The following DUSP16 variants were observed in gnomAD, a reference collection of about 807,000 sequenced individuals.
The protein encoded by DUSP16 is dual specificity phosphatase 16.
In DUSP16, 21 loss-of-function variants were observed where a neutral mutation model predicts 58.3. That is an observed-to-expected ratio of 0.36 (90% confidence interval 0.26 to 0.52). The LOEUF is 0.52. Ranked by LOEUF, DUSP16 falls within the 20% of genes least tolerant of loss-of-function variation. The pLI is 0.94. For missense variants in DUSP16, 726 were observed against 819.0 expected, an observed-to-expected ratio of 0.89 and a Z score of 1.39; for synonymous variants, 320 against 323.8, an observed-to-expected ratio of 0.99 and a Z score of 0.12.
At chr12:12,487,283 A>T (rs1280572793) in intron 4 of DUSP16, 96 bp from the exon 5 acceptor site, 46 of 1,333,588 alleles carry the variant, frequency 3.4e-5, no homozygotes, top group Non-Finnish European at 4.7e-5. Flanking sequence ...AAAAATGCCC[A>T]GTTTCCTTGA....
In DUSP16 at chr12:12,521,316, G is replaced by T; in HGVS notation, c.-218C>A. 7.1e-7 allele frequency: 1 copy of T among 1,413,866 alleles called. No homozygotes were observed. Among genetic ancestry groups the T allele is most frequent in the Non-Finnish European group, 9.2e-7 (1 of 1,086,386 alleles). The allele number at this position is 1,413,866 out of a possible 1,614,324, so 87.6% of individuals were successfully genotyped here. ...TTGATGTGCTCTTGCAAAGGACTCC[G>T]TCCACAAAGCAGCCCCTCACATTTG... On this transcript the variant is annotated 5_prime_UTR_variant, in exon 2 of 7. Coordinates refer to ENST00000298573, the MANE Select transcript of DUSP16 (RefSeq NM_030640.3).
chr12:12,490,063 G>C (rs1943740508), intron 4 of DUSP16, among the ~76,000 whole-genome samples: 1 of 152,166 alleles, frequency 6.6e-6, no homozygotes, highest in South Asian at 2.1e-4. Flanking sequence ...ACAGGCATGT[G>C]CCACTGCTCC....
intron 1 of DUSP16, among the ~76,000 whole-genome samples, chr12:12,526,537 CAT>C (rs2136237313): frequency 1.3e-5 from 2 of 152,286 alleles, no homozygotes; most frequent in Non-Finnish European, 2.9e-5. Context: ...AAGAGAACAA[CAT>C]AAAGTCTGTA....
intron 5 of DUSP16, among the ~76,000 whole-genome samples, chr12:12,483,433 C>T (rs527994010): frequency 2.4e-4 from 36 of 149,074 alleles, no homozygotes; most frequent in Admixed American, 2.0e-3. Flanking sequence ...CTATTTTAAT[C>T]CTCACAATAT....
chr12:12,499,689 T>G (rs2136211379), intron 4 of DUSP16, among the ~76,000 whole-genome samples: 1 of 152,324 alleles, frequency 6.6e-6, no homozygotes, highest in African/African-American at 2.4e-5. Flanking sequence ...ATAGCACTTG[T>G]AAATCACCAA....
At chr12:12,554,699 A>G (rs1247828096) in intron 1 of DUSP16, 1 of 152,182 alleles carries the variant, frequency 6.6e-6, no homozygotes, top group African/African-American at 2.4e-5. Context: ...ACATGAAAAT[A>G]TTTTAACATA....
chr12:12,516,532 A>C (rs1397798316), intron 3 of DUSP16, among the ~76,000 whole-genome samples: 2 of 152,250 alleles, frequency 1.3e-5, no homozygotes, highest in Non-Finnish European at 2.9e-5. Context: ...ATCAAATATC[A>C]GTATTTAAGG....
At chr12:12,546,131 CAAT>C (rs1254559640) in intron 1 of DUSP16, among the ~76,000 whole-genome samples, 2 of 152,084 alleles carry the variant, frequency 1.3e-5, no homozygotes, top group Non-Finnish European at 2.9e-5. Flanking sequence ...GTTATTTATA[CAAT>C]ATTATAAATT....
At chr12:12,560,530 CCA>C (rs1944882740) in intron 1 of DUSP16, among the ~76,000 whole-genome samples, 1 of 152,170 alleles carries the variant, frequency 6.6e-6, no homozygotes, top group Admixed American at 6.5e-5. Context: ...TCAGTAAATT[CCA>C]CAATTTTAAA....
chr12:12,506,036 G>A (rs1304068252), intron 3 of DUSP16: 1 of 152,176 alleles, frequency 6.6e-6, no homozygotes, highest in African/African-American at 2.4e-5. Flanking sequence ...CTATGACAAT[G>A]TTCCACTCTG....
chr12:12,492,330 ACAGT>A (rs1341448212), intron 4 of DUSP16, among the ~76,000 whole-genome samples: 3 of 152,182 alleles, frequency 2.0e-5, no homozygotes, highest in Non-Finnish European at 2.9e-5. Context: ...AAAAACTGAA[ACAGT>A]CAGAGGCAAA....
At chr12:12,535,141 G>A (rs1019370254) in intron 1 of DUSP16, among the ~76,000 whole-genome samples, 6 of 152,188 alleles carry the variant, frequency 3.9e-5, no homozygotes, top group South Asian at 2.1e-4. Flanking sequence ...ACATTAGGAC[G>A]GACACCTGTG....
At chr12:12,553,250 G>GT (rs1944758746) in intron 1 of DUSP16, among the ~76,000 whole-genome samples, 2 of 152,074 alleles carry the variant, frequency 1.3e-5, no homozygotes, top group Non-Finnish European at 2.9e-5. Flanking sequence ...AAAACCATTA[G>GT]TTTATAGTAC....
chr12:12,550,397 T>C (rs1219852310), intron 1 of DUSP16, among the ~76,000 whole-genome samples: 1 of 152,208 alleles, frequency 6.6e-6, no homozygotes. Flanking sequence ...AAGGGATCTA[T>C]AAAACTATTT....
In DUSP16 at chr12:12,476,377, G is replaced by A. The variant is rs1461508963; in HGVS notation, c.*456C>T. ...ATCATTTCTCTTGGATTTACCACTA[G>A]GCTCTGTCCCTAACAGGGTCTACCT... On this transcript the variant is annotated 3_prime_UTR_variant, in exon 7 of 7. Coordinates refer to ENST00000298573, the MANE Select transcript of DUSP16 (RefSeq NM_030640.3). 6.5e-6 allele frequency: 1 copy of A among 154,782 alleles called. No individual in the cohort carries two copies. The highest frequency in any genetic ancestry group is 1.4e-5 in the Non-Finnish European group (1 of 69,736). 9.6% of individuals were successfully genotyped at this position (154,782 alleles called of 1,614,324 possible).
intron 3 of DUSP16, among the ~76,000 whole-genome samples, chr12:12,517,043 C>T (rs1944164251): frequency 1.3e-5 from 2 of 152,186 alleles, no homozygotes; most frequent in South Asian, 4.1e-4. Flanking sequence ...GAAAAGAGCT[C>T]GTTAAGATAC....
In DUSP16 at chr12:12,477,529, A is replaced by G; in HGVS notation, c.1302T>C (p.Thr434=). Residue 434 remains threonine, a synonymous_variant, in exon 7 of 7, where the codon ACT becomes ACC. Coordinates refer to ENST00000298573, the MANE Select transcript of DUSP16 (RefSeq NM_030640.3). The surrounding 1 kb of genome is among the most constrained non-coding windows in gnomAD (Gnocchi z 4.1). ...ATAGCTTGTTGGTCCCATCCAGAGT[A>G]GTGGAAGGTTTGTAGTATTCCAAAG... ...EDALEYYKPS[T]TLDGTNKLCQ... The G allele has an allele frequency of 1.9e-6, 3 of 1,606,598 alleles. No individual in the cohort carries two copies. The highest frequency in any genetic ancestry group is 1.7e-4 in the Middle Eastern group (1 of 6,036).
chr12:12,496,291 A>G (rs984199551), intron 4 of DUSP16, among the ~76,000 whole-genome samples: 2 of 151,508 alleles, frequency 1.3e-5, no homozygotes. Flanking sequence ...CCTAGATCAT[A>G]TATTTCCACT....
intron 1 of DUSP16, among the ~76,000 whole-genome samples, chr12:12,543,461 AG>A (rs1335109379): frequency 6.6e-6 from 1 of 152,240 alleles, no homozygotes; most frequent in East Asian, 1.9e-4. Context: ...TCAAACAAAA[AG>A]ATAAAAAAGT....
Sources: allele counts gnomAD v4.1 joint callset (sites outside exome capture counted in the v4.1 genomes callset), GRCh38; gene constraint gnomAD v4.1.1; non-coding constraint Gnocchi (gnomAD v3.1); transcripts MANE v1.5; gene names NCBI Gene and HGNC (gene_info 2026-07-23, HGNC 2026-07-21).